The following YME1L1 variants were observed in gnomAD, a reference collection of about 807,000 sequenced individuals.
YME1L1 encodes YME1 like 1 ATPase, also known as ATP-dependent zinc metalloprotease YME1L1.
YME1L1 carries 39 observed loss-of-function variants against 90.4 expected under a neutral mutation model. The observed-to-expected ratio is 0.43, with a 90% confidence interval of 0.33 to 0.56. The LOEUF (loss-of-function observed/expected upper bound fraction) is 0.56. Ranked by LOEUF, YME1L1 falls within the 20% of genes least tolerant of loss-of-function variation. The pLI is 0.03. For synonymous variants in YME1L1, 284 were observed against 287.3 expected (o/e 0.99, Z 0.12); for missense variants, 617 against 868.4 (o/e 0.71, Z 3.64).
At chr10:27,129,548 T>C (rs996642326) in intron 8 of YME1L1, among the ~76,000 whole-genome samples, 4 of 152,170 alleles carry the variant, frequency 2.6e-5, no homozygotes, top group Non-Finnish European at 5.9e-5. Flanking sequence ...GATCACGTAC[T>C]TCAAATCCCT....
Position 27,116,431 on chromosome 10 carries a change from G to GC in YME1L1, c.1720-87dup, listed in dbSNP as rs35804170. ...CGCCTGAATCCCAGCACTTTGGCAG[G>GC]CGAGGTGGGTGGATCACCTGAGGTT... On this transcript the variant is annotated intron_variant, in intron 15 of 18. Transcript: ENST00000376016. 307,954 of 1,492,322 alleles carry GC rather than the reference G, an allele frequency of 0.21. 38,096 individuals are homozygous for GC. The highest frequency in any genetic ancestry group is 0.58 in the East Asian group (25,026 of 42,894). The allele number at this position is 1,492,322 out of a possible 1,614,324, so 92.4% of individuals were successfully genotyped here.
intron 7 of YME1L1, among the ~76,000 whole-genome samples, chr10:27,132,866 A>G (rs2056991207): frequency 6.6e-6 from 1 of 152,136 alleles, no homozygotes; most frequent in Non-Finnish European, 1.5e-5. Flanking sequence ...AAAATGACCT[A>G]TTTGTACTTT....
Position 27,121,424 on chromosome 10 carries a change from G to A in YME1L1, c.1260C>T (p.Ile420=). The change falls in exon 12 of 19, where the codon ATC becomes ATT. Residue 420 remains isoleucine, a synonymous_variant. Coordinates refer to ENST00000376016, the MANE Select transcript of YME1L1 (RefSeq NM_014263.4). The part of the protein sequence containing the change: ...MDGFKPNEGV[I]IIGATNFPEA... Reference sequence around the variant, plus strand: ...CTGGGAAGTTTGTGGCTCCTATTATGATAACTCCTTCATTGGGTTTAAAAC... The same window carrying A: ...CTGGGAAGTTTGTGGCTCCTATTATAATAACTCCTTCATTGGGTTTAAAAC... 1 of 1,605,926 alleles carries A rather than the reference G, an allele frequency of 6.2e-7. No individual in the cohort carries two copies. The highest frequency in any genetic ancestry group is 1.1e-5 in the South Asian group (1 of 90,884).
rs763565330 is a variant in YME1L1 at position 27,110,962 on chromosome 10, C to T, written c.*1015G>A. 6.6e-6 allele frequency: 1 copy of T among 152,072 alleles called. No individual in the cohort carries two copies. Among genetic ancestry groups the T allele is most frequent in the African/African-American group, 2.4e-5 (1 of 41,394 alleles). The allele number at this position is 152,072 out of a possible 1,614,324, so 9.4% of individuals were successfully genotyped here. ...TCTTGGCTCACTGCAACCTCCACCT[C>T]CTGGGTTCAAGCAATTCTCGTGCCT... is the stretch of plus-strand genomic sequence containing the variant. On this transcript the variant is annotated 3_prime_UTR_variant, in exon 19 of 19. Transcript: ENST00000376016.
Position 27,153,916 on chromosome 10 carries a change from G to A in YME1L1, c.33+262C>T, listed in dbSNP as rs11596418. On this transcript the variant is annotated intron_variant, in intron 1 of 18. Coordinates refer to ENST00000376016, the MANE Select transcript of YME1L1 (RefSeq NM_014263.4). ...ACGGATTCTCTAGCAGAAATTCCAC[G>A]CAATCAGTTCGATAAGCCAGGGTCT... 1.6e-3 allele frequency among the ~76,000 whole-genome samples: 247 copies of A among 151,710 alleles called. 1 individual carries two copies. The highest frequency in any genetic ancestry group is 3.4e-3 in the Middle Eastern group (1 of 294).
Position 27,142,454 on chromosome 10 carries a change from G to C in YME1L1, c.363C>G (p.Ser121=), listed in dbSNP as rs1266754249. The C allele has an allele frequency of 6.6e-7, 1 of 1,523,612 alleles. No homozygotes were observed. Among genetic ancestry groups the C allele is most frequent in the Non-Finnish European group, 8.8e-7 (1 of 1,135,494 alleles). The allele number at this position is 1,523,612 out of a possible 1,614,324, so 94.4% of individuals were successfully genotyped here. ...GNLDIFSTLR[S]SCLYRHHSRA... The stretch of plus-strand genomic sequence containing the variant: ...TTGAATGATGTCGATACAAGCAAGA[G>C]GAACGTAATGTACTAAATATATCTA... The change falls in exon 4 of 19, where the codon TCC becomes TCG. Residue 121 remains serine, a synonymous_variant. Transcript: ENST00000376016.
chr10:27,152,061 G>C (rs1300463730), intron 1 of YME1L1, among the ~76,000 whole-genome samples: 1 of 151,934 alleles, frequency 6.6e-6, no homozygotes, highest in African/African-American at 2.4e-5. Flanking sequence ...GGCTAGTCAA[G>C]TGAAGCAATG....
intron 3 of YME1L1, among the ~76,000 whole-genome samples, chr10:27,143,433 C>G (rs573317039): frequency 1.3e-5 from 2 of 151,966 alleles, no homozygotes; most frequent in South Asian, 2.1e-4. Context: ...GGCGCGGTGC[C>G]TCACGCCTGT....
chr10:27,144,326 T>C (rs139817314), intron 3 of YME1L1, among the ~76,000 whole-genome samples: 17 of 152,342 alleles, frequency 1.1e-4, no homozygotes, highest in African/African-American at 3.8e-4. Context: ...AACCATTTCA[T>C]TTTTTCCTCA....
chr10:27,128,741 C>A (rs11015557), intron 8 of YME1L1, among the ~76,000 whole-genome samples: 4 of 150,524 alleles, frequency 2.7e-5, no homozygotes, highest in East Asian at 3.9e-4. Context: ...CCCGACTCTA[C>A]AAAAAAAAAC....
chr10:27,119,330 T>G lies in YME1L1; in HGVS notation c.1531A>C (p.Lys511Gln), dbSNP rs775827931. ...AVDGKEMVTM[K>Q]ELEFSKDKIL... is the part of the protein sequence containing the mutation. The stretch of plus-strand genomic sequence containing the variant: ...TTGTCTTTGGAAAACTCCAGCTCCT[T>G]CATGGTAACCATTTCTTTTCCATCA... Residue 511 changes from lysine to glutamine, a missense_variant, in exon 14 of 19, where the codon AAG becomes CAG. Transcript: ENST00000376016. 39 of 1,612,126 alleles carry G rather than the reference T, an allele frequency of 2.4e-5. No individual in the cohort carries two copies. In the Middle Eastern group the frequency reaches 5.0e-4, roughly 20 times the overall value.
Position 27,149,803 on chromosome 10 carries a change from G to A in YME1L1, c.34-763C>T, listed in dbSNP as rs189301412. ...AAAAAATAGTAAGTAGGCCGGGAATGGTGGCTCATGCCTGTAATCCCAGCA... is the reference window on the plus strand; with the variant it reads ...AAAAAATAGTAAGTAGGCCGGGAATAGTGGCTCATGCCTGTAATCCCAGCA... On this transcript the variant is annotated intron_variant, in intron 1 of 18. Transcript: ENST00000376016. 6.7e-5 allele frequency among the ~76,000 whole-genome samples: 10 copies of A among 149,360 alleles called. No individual in the cohort carries two copies. The East Asian group carries it at 2.0e-3, about 29-fold the overall frequency.
intron 17 of YME1L1, among the ~76,000 whole-genome samples, chr10:27,115,353 GC>G (rs2135839494): frequency 6.8e-6 from 1 of 147,674 alleles, no homozygotes; most frequent in African/African-American, 2.5e-5. Context: ...ACAGGGTCTT[GC>G]TCTGTCACCC....
intron 6 of YME1L1, 128 bp from the exon 7 acceptor site, chr10:27,134,250 T>C (rs376904847): frequency 2.6e-6 from 2 of 762,016 alleles, no homozygotes; most frequent in African/African-American, 3.5e-5. Flanking sequence ...TCTGGCATTC[T>C]TTCTCACAAC....
chr10:27,145,315 T>G, intron 3 of YME1L1, 113 bp downstream of exon 3: 1 of 813,092 alleles, frequency 1.2e-6, no homozygotes, highest in South Asian at 4.2e-5. Flanking sequence ...AAAAAAACAC[T>G]TCAGGAAAGA....
At chr10:27,145,179 T>A (rs1026003211) in intron 3 of YME1L1, among the ~76,000 whole-genome samples, 1 of 152,064 alleles carries the variant, frequency 6.6e-6, no homozygotes, top group Non-Finnish European at 1.5e-5. Context: ...TTTCCTAGTT[T>A]TAACAAATGT....
At chr10:27,135,994 T>C (rs1310251947) in intron 5 of YME1L1, among the ~76,000 whole-genome samples, 1 of 152,112 alleles carries the variant, frequency 6.6e-6, no homozygotes, top group Non-Finnish European at 1.5e-5. Context: ...TGGACAAACG[T>C]AGGTTGATAG....
intron 12 of YME1L1, 106 bp from the exon 13 acceptor site, chr10:27,120,653 G>A (rs2056858035): frequency 1.4e-5 from 11 of 762,612 alleles, no homozygotes; most frequent in Admixed American, 1.1e-4. Flanking sequence ...GGCAGCCAGA[G>A]CGCAGATGGA....
At chr10:27,127,121 C>G (rs2056928339) in intron 8 of YME1L1, among the ~76,000 whole-genome samples, 1 of 152,202 alleles carries the variant, frequency 6.6e-6, no homozygotes, top group African/African-American at 2.4e-5. Context: ...AACATAGCTT[C>G]ACGCCAAAGG....
Sources: gnomAD v4.1 joint callset for allele counts (sites outside exome capture counted in the v4.1 genomes callset) on GRCh38, gnomAD v4.1.1 for gene constraint, MANE v1.5 for transcripts, NCBI Gene and HGNC (gene_info 2026-07-23, HGNC 2026-07-21) for gene names.